COL23A1: variants seen among roughly 807,000 people sequenced by gnomAD.
COL23A1 encodes the protein collagen type XXIII alpha 1 chain, also known as collagen alpha-1(XXIII) chain.
A neutral mutation model predicts 99.3 loss-of-function variants in COL23A1; 97 were observed. The ratio of observed to expected loss-of-function variants is 0.98; its 90% CI spans 0.83 to 1.16. The LOEUF is 1.16. Among genes scored for constraint, COL23A1 ranks in the 50% most tolerant of loss-of-function variants. The pLI is 0.00. For synonymous variants in COL23A1, 320 were observed against 308.2 expected (o/e 1.04, Z -0.40); for missense variants, 762 against 757.4 (o/e 1.01, Z -0.07).
Position 178,542,724 on chromosome 5 carries a change from G to C in COL23A1, c.361+17958C>G, listed in dbSNP as rs114079185. 3.2e-3 allele frequency among the ~76,000 whole-genome samples: 481 copies of C among 152,276 alleles called. 3 individuals carry two copies. Among genetic ancestry groups the C allele is most frequent in the African/African-American group, 0.011 (469 of 41,538 alleles). On this transcript the variant is annotated intron_variant, in intron 2 of 28. Transcript: ENST00000390654. ...GGGGGAGGGGAGGGCTGGGAGCTCTGGGGAGAGTTCCCTCTCTGACTCCTT... is the reference window on the plus strand; with the variant it reads ...GGGGGAGGGGAGGGCTGGGAGCTCTCGGGAGAGTTCCCTCTCTGACTCCTT...
intron 2 of COL23A1, among the ~76,000 whole-genome samples, chr5:178,539,149 GA>G (rs1761141765): frequency 6.6e-6 from 1 of 152,194 alleles, no homozygotes; most frequent in Non-Finnish European, 1.5e-5. Flanking sequence ...AATAACTGTG[GA>G]AGTGGTTGCA....
chr5:178,546,906 G>C (rs1761611789), intron 2 of COL23A1, among the ~76,000 whole-genome samples: 1 of 152,156 alleles, frequency 6.6e-6, no homozygotes, highest in South Asian at 2.1e-4. Context: ...AGCACAAGGG[G>C]CCTGTGTGAG....
At chr5:178,330,032 G>T (rs1263805886) in intron 2 of COL23A1, among the ~76,000 whole-genome samples, 1 of 152,170 alleles carries the variant, frequency 6.6e-6, no homozygotes, top group African/African-American at 2.4e-5. Context: ...GGCGCCATCA[G>T]TTGAAAGATC....
At chr5:178,540,172 T>A (rs370229290) in intron 2 of COL23A1, among the ~76,000 whole-genome samples, 1 of 151,742 alleles carries the variant, frequency 6.6e-6, no homozygotes, top group East Asian at 1.9e-4. Flanking sequence ...TCTTAGACAA[T>A]CAATTAATCA....
chr5:178,467,165 A>G (rs1235071199), intron 2 of COL23A1, among the ~76,000 whole-genome samples: 1 of 152,184 alleles, frequency 6.6e-6, no homozygotes, highest in Non-Finnish European at 1.5e-5. Flanking sequence ...CCTCACTTGC[A>G]CAGGGAGCTA....
intron 2 of COL23A1, among the ~76,000 whole-genome samples, chr5:178,372,116 G>A (rs1762830976): frequency 6.6e-6 from 1 of 152,212 alleles, no homozygotes; most frequent in Admixed American, 6.5e-5. Context: ...ACACAACTCT[G>A]GATTTCTGGT....
chr5:178,523,197 T>TAGAGAGAGAGAG (rs1416631747), intron 2 of COL23A1, among the ~76,000 whole-genome samples: 9 of 73,756 alleles, frequency 1.2e-4, no homozygotes, highest in Admixed American at 5.4e-4. Flanking sequence ...TATATATATA[T>TAGAGAGAGAGAG]ATATAGAGAG....
chr5:178,473,254 G>C (rs754723602), intron 2 of COL23A1, among the ~76,000 whole-genome samples: 1 of 152,104 alleles, frequency 6.6e-6, no homozygotes, highest in African/African-American at 2.4e-5. Flanking sequence ...GAGACTTAAA[G>C]TATGAGGGAG....
intron 2 of COL23A1, among the ~76,000 whole-genome samples, chr5:178,525,005 G>A (rs1449264426): frequency 6.6e-6 from 1 of 152,258 alleles, no homozygotes; most frequent in Admixed American, 6.5e-5. Flanking sequence ...AGGGCAACAA[G>A]AGGTTAAATA....
At chr5:178,582,206 CAAAAA>C (rs11315118) in intron 1 of COL23A1, among the ~76,000 whole-genome samples, 2 of 31,616 alleles carry the variant, frequency 6.3e-5, no homozygotes, top group African/African-American at 1.9e-4. Context: ...GACTCTATCT[CAAAAA>C]AAAAAAAAAA....
chr5:178,408,946 ACT>A (rs1764900260), intron 2 of COL23A1, among the ~76,000 whole-genome samples: 1 of 124,894 alleles, frequency 8.0e-6, no homozygotes, highest in South Asian at 2.6e-4. Flanking sequence ...CAAGAGCGAA[ACT>A]CTGTCTCAAA....
At chr5:178,509,931 G>A (rs1344720283) in intron 2 of COL23A1, among the ~76,000 whole-genome samples, 1 of 152,178 alleles carries the variant, frequency 6.6e-6, no homozygotes, top group African/African-American at 2.4e-5. Context: ...CCCAGGATGT[G>A]ACAACTCCTG....
chr5:178,489,896 G>A (rs149176851), intron 2 of COL23A1, among the ~76,000 whole-genome samples: 61 of 152,322 alleles, frequency 4.0e-4, no homozygotes, highest in African/African-American at 1.3e-3. Context: ...GAATGGATAA[G>A]CAGTTTGTGA....
In COL23A1 at chr5:178,340,616, A is replaced by C. The variant is rs73807617; in HGVS notation, c.362-33697T>G. On this transcript the variant is annotated intron_variant, in intron 2 of 28. Coordinates refer to ENST00000390654, the MANE Select transcript of COL23A1 (RefSeq NM_173465.4). This position sits in a 1 kb window ranked among gnomAD's most constrained non-coding sequence, Gnocchi z 4.7. ...AGTGGCCTGAAGTTCTCTCAGGAGA[A>C]GCTGATGGTCCCAGAGCACACAGGG... Among the ~76,000 whole-genome samples the C allele has an allele frequency of 3.6e-3, 548 of 152,308 alleles. 6 individuals carry two copies. Among genetic ancestry groups the C allele is most frequent in the African/African-American group, 0.013 (524 of 41,576 alleles).
At chr5:178,248,746 C>T (rs375613233) in intron 19 of COL23A1, among the ~76,000 whole-genome samples, 13 of 152,282 alleles carry the variant, frequency 8.5e-5, no homozygotes, top group East Asian at 7.7e-4. Flanking sequence ...GTGAGGAAAC[C>T]GAGGCCCCAG....
intron 2 of COL23A1, among the ~76,000 whole-genome samples, chr5:178,317,363 G>C (rs906956890): frequency 6.6e-6 from 1 of 152,196 alleles, no homozygotes; most frequent in Non-Finnish European, 1.5e-5. Context: ...TTGTTAACCA[G>C]GCAAGGGCAT....
intron 8 of COL23A1, chr5:178,265,641 C>T (rs990650227): frequency 4.1e-6 from 4 of 984,316 alleles, no homozygotes; most frequent in Admixed American, 1.2e-4. Context: ...CAGACCCCCA[C>T]TCAGCCAGTC....
chr5:178,458,679 C>T (rs1351108966), intron 2 of COL23A1, among the ~76,000 whole-genome samples: 1 of 143,710 alleles, frequency 7.0e-6, no homozygotes. Context: ...AACAAACAAA[C>T]AAAAAATAAA....
intron 2 of COL23A1, among the ~76,000 whole-genome samples, chr5:178,506,771 G>C (rs766568322): frequency 2.8e-4 from 43 of 152,106 alleles, no homozygotes; most frequent in Non-Finnish European, 1.0e-4. Context: ...ATATATCATA[G>C]TTTCAAAACA....
Sources: allele counts gnomAD v4.1 joint callset (sites outside exome capture counted in the v4.1 genomes callset), GRCh38; gene constraint gnomAD v4.1.1; non-coding constraint Gnocchi (gnomAD v3.1); transcripts MANE v1.5; gene names NCBI Gene and HGNC (gene_info 2026-07-23, HGNC 2026-07-21).